FA2H: variants seen among roughly 807,000 people sequenced by gnomAD.
The protein encoded by FA2H is fatty acid alpha-hydroxylase.
FA2H carries 22 observed loss-of-function variants against 44.9 expected under a neutral mutation model. The ratio of observed to expected loss-of-function variants is 0.49; its 90% CI spans 0.35 to 0.70. The LOEUF (loss-of-function observed/expected upper bound fraction) is 0.70, where lower values mean the gene tolerates loss of function less well. Ranked by LOEUF, FA2H falls within the 30% of genes least tolerant of loss-of-function variation. The pLI, the probability that FA2H is intolerant of heterozygous loss-of-function variation, is 0.01. For missense variants in FA2H, 501 were observed against 504.9 expected, an observed-to-expected ratio of 0.99 and a Z score of 0.07; for synonymous variants, 243 against 213.2, an observed-to-expected ratio of 1.14 and a Z score of -1.22.
At chr16:74,738,646 A>T (rs2144632181) in intron 2 of FA2H, among the ~76,000 whole-genome samples, 1 of 152,180 alleles carries the variant, frequency 6.6e-6, no homozygotes, top group East Asian at 1.9e-4. Flanking sequence ...TTCCAGTACC[A>T]TCCACTGGCC....
chr16:74,774,361 C>A, intron 1 of FA2H, 125 bp downstream of exon 1: 1 of 875,400 alleles, frequency 1.1e-6, no homozygotes, highest in Non-Finnish European at 1.6e-6. Flanking sequence ...AGAGGGAAAG[C>A]GAGGGAAGGG....
At chr16:74,765,159 C>T (rs1212949876) in intron 1 of FA2H, among the ~76,000 whole-genome samples, 2 of 147,072 alleles carry the variant, frequency 1.4e-5, no homozygotes, top group Non-Finnish European at 1.5e-5. Context: ...TTTTCTTAAT[C>T]TTTTTTTTTT....
chr16:74,755,622 T>C (rs1340714151), intron 1 of FA2H, among the ~76,000 whole-genome samples: 1 of 152,218 alleles, frequency 6.6e-6, no homozygotes, highest in East Asian at 1.9e-4. Flanking sequence ...CTTAGTATTT[T>C]GTCCAACATT....
chr16:74,753,361 C>T (rs751272150), intron 1 of FA2H, among the ~76,000 whole-genome samples: 5 of 152,118 alleles, frequency 3.3e-5, no homozygotes, highest in South Asian at 4.1e-4. Flanking sequence ...CTACGCACCA[C>T]GACAAGAGCT....
intron 6 of FA2H, 22 bp from the exon 7 acceptor site, chr16:74,714,291 G>A (rs772478333): frequency 1.4e-6 from 2 of 1,480,492 alleles, no homozygotes; most frequent in South Asian, 1.2e-5. Context: ...GACAAACGGG[G>A]AGAAGATGAG....
intron 5 of FA2H, 129 bp from the exon 6 acceptor site, chr16:74,716,728 T>A: frequency 1.8e-6 from 2 of 1,099,794 alleles, no homozygotes; most frequent in South Asian, 1.7e-5. Flanking sequence ...CTTGGCACCT[T>A]TGGTGGCTTT....
In FA2H at chr16:74,727,249, A is replaced by C. The variant is rs1961978910; in HGVS notation, c.501T>G (p.Thr167=). Residue 167 remains threonine, a synonymous_variant, in exon 3 of 7, where the codon ACT becomes ACG. Transcript: ENST00000219368. ...AGGCTCAGGGAAGAGCTCACCAGAC[A>C]GTCTTAGAGAGGCCCTCAATGAGGT... ...HSDLIEGLSK[T]VWYSVPIIWV... is the part of the protein sequence containing the mutation. 1.2e-6 allele frequency: 2 copies of C among 1,614,050 alleles called. No homozygotes were observed. The highest frequency in any genetic ancestry group is 1.7e-5 in the Admixed American group (1 of 60,014).
intron 1 of FA2H, among the ~76,000 whole-genome samples, chr16:74,743,476 CAG>C (rs1006383506): frequency 3.4e-4 from 52 of 152,336 alleles, no homozygotes; most frequent in Middle Eastern, 3.4e-3. Flanking sequence ...TCCTGGGAGA[CAG>C]GGGGAAGGGC....
chr16:74,715,386 G>T (rs569084795), intron 6 of FA2H, among the ~76,000 whole-genome samples: 174 of 152,084 alleles, frequency 1.1e-3, no homozygotes, highest in Non-Finnish European at 1.7e-3. Flanking sequence ...CAAACTCCTG[G>T]GCTCAAATGA....
At chr16:74,725,969 T>G (rs1173822409) in intron 4 of FA2H, 2 of 465,390 alleles carry the variant, frequency 4.3e-6, no homozygotes, top group African/African-American at 3.9e-5. Context: ...CTCTCTCTCT[T>G]TTTTTATTGC....
intron 4 of FA2H, 94 bp from the exon 5 acceptor site, chr16:74,719,254 G>A (rs1233681601): frequency 2.7e-6 from 3 of 1,125,936 alleles, no homozygotes; most frequent in Non-Finnish European, 3.9e-6. Context: ...CAGCTCGGGA[G>A]CTGCTGCCCT....
intron 4 of FA2H, chr16:74,725,989 C>T (rs898898557): frequency 5.7e-5 from 29 of 507,898 alleles, no homozygotes; most frequent in Middle Eastern, 1.1e-3. Flanking sequence ...CTATGCCACC[C>T]GATGATTCCA....
rs543752710 is a variant in FA2H at position 74,720,478 on chromosome 16, G to C, written c.614-1318C>G. On this transcript the variant is annotated intron_variant, in intron 4 of 6. Coordinates refer to ENST00000219368, the MANE Select transcript of FA2H (RefSeq NM_024306.5). ...CCCAAAGTGCTGGGATTACAGATAT[G>C]AGCCACCGTGCCCAGCCCATCCTCA... 1.1e-4 allele frequency among the ~76,000 whole-genome samples: 16 copies of C among 151,968 alleles called. No individual in the cohort carries two copies. In the East Asian group the frequency reaches 2.9e-3, roughly 28 times the overall value.
intron 1 of FA2H, among the ~76,000 whole-genome samples, chr16:74,764,917 C>A (rs1270545124): frequency 6.6e-6 from 1 of 151,984 alleles, no homozygotes; most frequent in African/African-American, 2.4e-5. Flanking sequence ...GGGGTCTTAA[C>A]CCTGAGAGCA....
rs538260736 is a variant in FA2H, at chr16:74,767,262, T to C, written c.270+7224A>G. On this transcript the variant is annotated intron_variant, in intron 1 of 6. Transcript: ENST00000219368. The stretch of plus-strand genomic sequence containing the variant: ...AGGCGGAGGTTGCAGTGAGCCGAGA[T>C]TGTGCCATTGCACTCTAGCCTGGTG... Among the ~76,000 whole-genome samples the C allele has an allele frequency of 1.6e-3, 250 of 152,228 alleles. 1 individual carries two copies. Among genetic ancestry groups the C allele is most frequent in the African/African-American group, 5.7e-3 (237 of 41,524 alleles).
chr16:74,733,650 C>T (rs1343844316), intron 2 of FA2H, among the ~76,000 whole-genome samples: 1 of 152,192 alleles, frequency 6.6e-6, no homozygotes, highest in Non-Finnish European at 1.5e-5. Context: ...TCCAACATGG[C>T]AGTTGGCGGG....
At chr16:74,769,913 G>A (rs529155269) in intron 1 of FA2H, among the ~76,000 whole-genome samples, 1 of 152,246 alleles carries the variant, frequency 6.6e-6, no homozygotes, top group Non-Finnish European at 1.5e-5. Flanking sequence ...CAGGCAGCAT[G>A]TTGGCTCAAA....
intron 1 of FA2H, among the ~76,000 whole-genome samples, chr16:74,744,401 T>C (rs1451057898): frequency 6.6e-6 from 1 of 151,768 alleles, no homozygotes; most frequent in East Asian, 1.9e-4. Context: ...CAAATGAAGA[T>C]ATGTGTGCTT....
intron 1 of FA2H, among the ~76,000 whole-genome samples, chr16:74,750,643 C>T (rs1962510256): frequency 6.6e-6 from 1 of 152,180 alleles, no homozygotes; most frequent in South Asian, 2.1e-4. Context: ...ATGCAATCTC[C>T]TCCCTGTGCA....
Sources: allele counts gnomAD v4.1 joint callset (sites outside exome capture counted in the v4.1 genomes callset), GRCh38; gene constraint gnomAD v4.1.1; transcripts MANE v1.5; gene names NCBI Gene and HGNC (gene_info 2026-07-23, HGNC 2026-07-21).